The following ILDR2 variants were observed in gnomAD, a reference collection of about 807,000 sequenced individuals.
ILDR2 encodes the protein immunoglobulin-like domain-containing receptor 2.
ILDR2 carries 25 observed loss-of-function variants against 66.8 expected under a neutral mutation model. The ratio of observed to expected loss-of-function variants is 0.37; its 90% CI spans 0.27 to 0.52. The LOEUF (loss-of-function observed/expected upper bound fraction) is 0.52, where lower values mean the gene tolerates loss of function less well. ILDR2 is among the 20% of genes least tolerant of loss of function. The pLI is 0.88. For missense variants in ILDR2, 827 were observed against 876.8 expected (o/e 0.94, Z 0.72); for synonymous variants, 367 against 357.2 (o/e 1.03, Z -0.31).
At chr1:166,934,452 C>T (rs1660823750) in intron 6 of ILDR2, among the ~76,000 whole-genome samples, 1 of 152,160 alleles carries the variant, frequency 6.6e-6, no homozygotes, top group Non-Finnish European at 1.5e-5. Flanking sequence ...TCTAGATGCT[C>T]ACATATCTCA....
chr1:166,908,544 G>C lies in ILDR2; in HGVS notation c.*10811C>G, dbSNP rs892255747. On this transcript the variant is annotated 3_prime_UTR_variant, in exon 10 of 10. Coordinates refer to ENST00000271417, the MANE Select transcript of ILDR2 (RefSeq NM_199351.3). ...AATGTCCCCTGTTCTATGGAACTTA[G>C]AGAGGAAGGGAGAAGCACCTTGCCC... 11 of 152,192 alleles carry C rather than the reference G, an allele frequency of 7.2e-5. No individual in the cohort carries two copies. Among genetic ancestry groups the C allele is most frequent in the African/African-American group, 2.7e-4 (11 of 41,450 alleles). The allele number at this position is 152,192 out of a possible 1,614,324, so 9.4% of individuals were successfully genotyped here.
chr1:166,914,121 A>G lies in ILDR2; in HGVS notation c.*5234T>C, dbSNP rs1659551497. 1 of 152,564 alleles carries G rather than the reference A, an allele frequency of 6.6e-6. No individual in the cohort carries two copies. The highest frequency in any genetic ancestry group is 2.4e-5 in the African/African-American group (1 of 41,384). The allele number at this position is 152,564 out of a possible 1,614,324, so 9.5% of individuals were successfully genotyped here. A position where few individuals can be genotyped will look rare whatever the true frequency, so the allele number is the denominator to read the frequency against. On this transcript the variant is annotated 3_prime_UTR_variant, in exon 10 of 10. Coordinates refer to ENST00000271417, the MANE Select transcript of ILDR2 (RefSeq NM_199351.3). The stretch of plus-strand genomic sequence containing the variant: ...CACAGAGCAAGACCCTGTCTCAAAA[A>G]AAAAAAAAAGAAAGAAAAAGAAAAC...
intron 1 of ILDR2, among the ~76,000 whole-genome samples, chr1:166,964,441 G>C (rs543878429): frequency 6.6e-6 from 1 of 152,302 alleles, no homozygotes; most frequent in South Asian, 2.1e-4. Flanking sequence ...CTGAGGGCAG[G>C]GGCCAGGATT....
intron 2 of ILDR2, among the ~76,000 whole-genome samples, chr1:166,900,979 C>T (rs1457701679): frequency 6.6e-6 from 1 of 152,176 alleles, no homozygotes; most frequent in Non-Finnish European, 1.5e-5. Flanking sequence ...ATCCCTAGAC[C>T]AAGCTCTTCC....
chr1:166,943,215 G>A (rs940871771), intron 3 of ILDR2, among the ~76,000 whole-genome samples: 7 of 152,076 alleles, frequency 4.6e-5, no homozygotes, highest in Middle Eastern at 3.2e-3. Context: ...AGCTTTGGCC[G>A]GGCACGGTGG....
chr1:166,929,486 T>C (rs1176072571), intron 6 of ILDR2, among the ~76,000 whole-genome samples: 1 of 152,352 alleles, frequency 6.6e-6, no homozygotes, highest in South Asian at 2.1e-4. Flanking sequence ...TGGATCTCCA[T>C]GTGCCTAAAA....
intron 1 of ILDR2, among the ~76,000 whole-genome samples, chr1:166,959,235 C>G (rs1378926318): frequency 6.6e-6 from 1 of 152,232 alleles, no homozygotes; most frequent in Non-Finnish European, 1.5e-5. Flanking sequence ...CTCCTTTGTG[C>G]TATCAGTACA....
downstream of ILDR2, among the ~76,000 whole-genome samples, chr1:166,904,934 C>A (rs1280921577): frequency 6.6e-6 from 1 of 152,062 alleles, no homozygotes; most frequent in African/African-American, 2.4e-5. Flanking sequence ...CATGGAGACA[C>A]CTCCTCAAAA....
chr1:166,932,233 CATTAA>C (rs1191931521), intron 6 of ILDR2, among the ~76,000 whole-genome samples: 1 of 152,188 alleles, frequency 6.6e-6, no homozygotes, highest in African/African-American at 2.4e-5. Flanking sequence ...GAAAAGGATC[CATTAA>C]ATTTAGCAAT....
At chr1:166,941,881 A>T (rs1314622513) in intron 3 of ILDR2, among the ~76,000 whole-genome samples, 1 of 152,232 alleles carries the variant, frequency 6.6e-6, no homozygotes, top group Non-Finnish European at 1.5e-5. Flanking sequence ...CCTATAGCAA[A>T]CCGTGATAAT....
chr1:166,951,784 G>A (rs1374583606), intron 3 of ILDR2, among the ~76,000 whole-genome samples: 1 of 152,106 alleles, frequency 6.6e-6, no homozygotes, highest in Non-Finnish European at 1.5e-5. Context: ...TCCCCGACAA[G>A]AGAACCTGTT....
In ILDR2 at chr1:166,936,687, G is replaced by A; in HGVS notation, c.607C>T (p.Leu203=). ...CACTGGCACCAGCAGATCCCCACCA[G>A]GACGAAGAAGAGGAAGACGCCCAGG... ...VLLGVFLFFV[L]VGICWCQCCP... is the part of the protein sequence containing the mutation. The change falls in exon 5 of 10, where the codon CTG becomes TTG. Residue 203 remains leucine (L), a synonymous_variant. Coordinates refer to ENST00000271417, the MANE Select transcript of ILDR2 (RefSeq NM_199351.3). This position sits in a 1 kb window ranked among gnomAD's most constrained non-coding sequence, Gnocchi z 5.0. The A allele has an allele frequency of 1.2e-6, 2 of 1,614,144 alleles. No individual in the cohort carries two copies. The highest frequency in any genetic ancestry group is 1.1e-5 in the South Asian group (1 of 91,084).
intron 1 of ILDR2, among the ~76,000 whole-genome samples, chr1:166,964,961 A>G (rs1342041450): frequency 6.6e-6 from 1 of 152,202 alleles, no homozygotes; most frequent in Non-Finnish European, 1.5e-5. Flanking sequence ...TGGGAGGCAG[A>G]TCTATAAGCA....
intron 1 of ILDR2, among the ~76,000 whole-genome samples, chr1:166,960,167 T>A (rs187919783): frequency 6.6e-6 from 1 of 152,322 alleles, no homozygotes; most frequent in East Asian, 1.9e-4. Context: ...CTAATTCCTG[T>A]TGGGGAAAAG....
intron 2 of ILDR2, among the ~76,000 whole-genome samples, chr1:166,901,968 C>T (rs1292597274): frequency 6.6e-6 from 1 of 152,216 alleles, no homozygotes; most frequent in East Asian, 1.9e-4. Flanking sequence ...TCAGGCGATT[C>T]TCCCGCCTCA....
intron 9 of ILDR2, among the ~76,000 whole-genome samples, chr1:166,920,227 G>A (rs1383391262): frequency 6.6e-6 from 1 of 152,172 alleles, no homozygotes; most frequent in African/African-American, 2.4e-5. Flanking sequence ...GTGGCTCTTA[G>A]CCTTCTCTGG....
At chr1:166,940,523 A>C (rs1661248020) in intron 3 of ILDR2, among the ~76,000 whole-genome samples, 2 of 152,172 alleles carry the variant, frequency 1.3e-5, no homozygotes, top group Non-Finnish European at 2.9e-5. Flanking sequence ...TCACTGTAGC[A>C]CCTAAACACG....
rs1263325109 is a variant in ILDR2, at chr1:166,935,319, T to C, written c.862A>G (p.Thr288Ala). The change falls in exon 6 of 10, where the codon ACT becomes GCT. Residue 288 changes from threonine to alanine, a missense_variant. Around this residue, in one of 2 missense-constraint regions of ILDR2, gnomAD observed 437 missense variants for 523.2 expected, o/e 0.84. Coordinates refer to ENST00000271417, the MANE Select transcript of ILDR2 (RefSeq NM_199351.3). ...HPPPLAPSDS[T>A]GGSHSVRKGY... ...CATTTACCACTGTGGCTTCCTCCAG[T>C]GGAGTCACTTGGTGCCAAGGGAGGT... 2 of 1,613,710 alleles carry C rather than the reference T, an allele frequency of 1.2e-6. No homozygotes were observed. The highest frequency in any genetic ancestry group is 1.7e-6 in the Non-Finnish European group (2 of 1,179,962).
rs377136623 is a variant in ILDR2, at chr1:166,920,847, C to A, written c.1744G>T (p.Asp582Tyr). 1.9e-5 allele frequency: 28 copies of A among 1,510,454 alleles called. No individual in the cohort carries two copies. The African/African-American group carries it at 2.3e-4, about 12-fold the overall frequency. 93.6% of individuals were successfully genotyped at this position (1,510,454 alleles called of 1,614,324 possible). Residue 582 changes from aspartate to tyrosine, a missense_variant, in exon 9 of 10, where the codon GAC (aspartate) becomes TAC (tyrosine). By Grantham distance (160) the Asp-to-Tyr change is radical (BLOSUM62 -3). Coordinates refer to ENST00000271417, the MANE Select transcript of ILDR2 (RefSeq NM_199351.3). ...GCGTCGTCGGACGCGTCCTCCTGGTCGTCCTGCGACGAGCCGGCCTTGTAG... is the reference window on the plus strand; with the variant it reads ...GCGTCGTCGGACGCGTCCTCCTGGTAGTCCTGCGACGAGCCGGCCTTGTAG... ...GTYKAGSSQD[D>Y]QEDASDDALP...
Sources: allele counts gnomAD v4.1 joint callset (sites outside exome capture counted in the v4.1 genomes callset), GRCh38; gene constraint gnomAD v4.1.1; regional missense constraint gnomAD v4.1.1; non-coding constraint Gnocchi (gnomAD v3.1); transcripts MANE v1.5; gene names NCBI Gene and HGNC (gene_info 2026-07-23, HGNC 2026-07-21).